CRYL1: variants seen among roughly 807,000 people sequenced by gnomAD.
CRYL1 encodes lambda-crystallin homolog.
Under a neutral mutation model 36.6 loss-of-function variants are expected in CRYL1, and 29 were observed. The ratio of observed to expected loss-of-function variants is 0.79; its 90% CI spans 0.59 to 1.08. CRYL1 has a LOEUF of 1.08. CRYL1 is among the 50% of genes least tolerant of loss of function. The probability of loss-of-function intolerance (pLI) is 0.00; values close to 1 mark genes in which losing one functional copy is unlikely to be tolerated. For synonymous variants in CRYL1, 152 were observed against 151.5 expected (o/e 1.00, Z -0.02); for missense variants, 411 against 407.9 (o/e 1.01, Z -0.06).
chr13:20,485,596 G>T (rs879363908), intron 3 of CRYL1, among the ~76,000 whole-genome samples: 1 of 152,100 alleles, frequency 6.6e-6, no homozygotes, highest in African/African-American at 2.4e-5. Context: ...TTGAGCCCAG[G>T]AGGTGGAGGT....
chr13:20,511,141 G>C (rs954832685), intron 2 of CRYL1, among the ~76,000 whole-genome samples: 15 of 152,152 alleles, frequency 9.9e-5, no homozygotes, highest in Non-Finnish European at 1.2e-4. Flanking sequence ...CTGGAGTACA[G>C]TGGTGCAATC....
intron 5 of CRYL1, among the ~76,000 whole-genome samples, chr13:20,422,360 C>CAAAAAAA (rs34813385): frequency 7.7e-6 from 1 of 129,898 alleles, no homozygotes. Context: ...ATTCCATTTC[C>CAAAAAAA]AAAAAAAAAA....
At chr13:20,497,901 T>C (rs961841384) in intron 2 of CRYL1, among the ~76,000 whole-genome samples, 9 of 151,384 alleles carry the variant, frequency 5.9e-5, no homozygotes, top group Non-Finnish European at 1.3e-4. Context: ...TATACTCATA[T>C]TGAATTTCCA....
intron 5 of CRYL1, among the ~76,000 whole-genome samples, chr13:20,420,695 T>A (rs1418205292): frequency 4.5e-5 from 4 of 89,056 alleles, no homozygotes; most frequent in Non-Finnish European, 9.7e-5. Context: ...TTCTTTAAAA[T>A]AGAGGTTGTG....
chr13:20,432,004 C>T, intron 5 of CRYL1, 98 bp downstream of exon 5: 1 of 1,593,354 alleles, frequency 6.3e-7, no homozygotes, highest in Non-Finnish European at 8.5e-7. Flanking sequence ...TTCCAGGCTG[C>T]CCAAGGAACA....
At position 20,525,629 on chromosome 13, in the gene CRYL1, G is replaced by C; in HGVS notation, c.41+125C>G. The C allele has an allele frequency of 5.1e-6, 4 of 786,106 alleles. No homozygotes were observed. The highest frequency in any genetic ancestry group is 6.9e-6 in the Non-Finnish European group (4 of 580,074). The allele number at this position is 786,106 out of a possible 1,614,324, so 48.7% of individuals were successfully genotyped here. On this transcript the variant is annotated intron_variant, in intron 1 of 7. Transcript: ENST00000298248. This position sits in a 1 kb window ranked among gnomAD's most constrained non-coding sequence, Gnocchi z 4.3. The stretch of plus-strand genomic sequence containing the variant: ...TAGGGGCCGCAGGGCGCAGGGCTTC[G>C]GAGGACCGGAGGCCGGGGCGGGGAC...
At chr13:20,452,460 C>T (rs2032591742) in intron 3 of CRYL1, among the ~76,000 whole-genome samples, 1 of 152,112 alleles carries the variant, frequency 6.6e-6, no homozygotes, top group Admixed American at 6.5e-5. Flanking sequence ...CATTACAATA[C>T]ACTAAACGGG....
intron 3 of CRYL1, among the ~76,000 whole-genome samples, chr13:20,441,366 G>A (rs753801130): frequency 3.9e-5 from 6 of 152,108 alleles, no homozygotes; most frequent in Non-Finnish European, 5.9e-5. Context: ...CTAAAGTTTG[G>A]GAACCACTAT....
At chr13:20,496,180 T>C (rs2033601972) in intron 2 of CRYL1, among the ~76,000 whole-genome samples, 1 of 152,152 alleles carries the variant, frequency 6.6e-6, no homozygotes, top group Non-Finnish European at 1.5e-5. Flanking sequence ...TGACTCCACC[T>C]ACAACAGGTA....
At chr13:20,426,281 T>TTA (rs1555226769) in intron 5 of CRYL1, among the ~76,000 whole-genome samples, 169 of 144,522 alleles carry the variant, frequency 1.2e-3, no homozygotes, top group African/African-American at 3.5e-3. Context: ...TATCTTTATT[T>TTA]AAAAAAAAAA....
chr13:20,419,544 A>G (rs1311906295), intron 5 of CRYL1, among the ~76,000 whole-genome samples: 1 of 151,862 alleles, frequency 6.6e-6, no homozygotes, highest in Non-Finnish European at 1.5e-5. Flanking sequence ...CACCCGCCTC[A>G]GCCTCCCAAA....
chr13:20,405,719 A>G (rs1215232701), intron 6 of CRYL1, among the ~76,000 whole-genome samples: 1 of 152,126 alleles, frequency 6.6e-6, no homozygotes, highest in Non-Finnish European at 1.5e-5. Flanking sequence ...TCAGATTCTA[A>G]GGAGAGGGCC....
At chr13:20,504,734 T>G (rs1023181129) in intron 2 of CRYL1, among the ~76,000 whole-genome samples, 5 of 152,206 alleles carry the variant, frequency 3.3e-5, no homozygotes, top group Non-Finnish European at 5.9e-5. Flanking sequence ...TATTATGAAA[T>G]GTAAACATGC....
intron 6 of CRYL1, chr13:20,406,163 G>A (rs1052098291): frequency 2.0e-5 from 3 of 152,164 alleles, no homozygotes; most frequent in Non-Finnish European, 2.9e-5. Context: ...CGAAGCTGCA[G>A]AACGTGCAGA....
chr13:20,507,754 T>C (rs1393245981), intron 2 of CRYL1, among the ~76,000 whole-genome samples: 3 of 151,426 alleles, frequency 2.0e-5, no homozygotes, highest in Non-Finnish European at 2.9e-5. Context: ...CCGTCTCTAC[T>C]AAAAATATAA....
intron 3 of CRYL1, among the ~76,000 whole-genome samples, chr13:20,474,244 G>T (rs2033119319): frequency 1.3e-5 from 2 of 152,132 alleles, no homozygotes; most frequent in Non-Finnish European, 2.9e-5. Context: ...CCATCATAGT[G>T]GCCTTTAAAG....
intron 2 of CRYL1, among the ~76,000 whole-genome samples, chr13:20,492,944 G>GA (rs2033538667): frequency 6.6e-6 from 1 of 152,136 alleles, no homozygotes; most frequent in South Asian, 2.1e-4. Context: ...AATTCTCAGA[G>GA]AAACTCTTCC....
intron 2 of CRYL1, among the ~76,000 whole-genome samples, chr13:20,504,902 C>T (rs957567474): frequency 2.4e-4 from 36 of 152,084 alleles, no homozygotes; most frequent in African/African-American, 6.0e-4. Flanking sequence ...AAATCAACTT[C>T]CCCCCGTTTA....
At chr13:20,475,005 G>A (rs1049783702) in intron 3 of CRYL1, among the ~76,000 whole-genome samples, 7 of 152,138 alleles carry the variant, frequency 4.6e-5, no homozygotes, top group Admixed American at 1.3e-4. Flanking sequence ...ATCTGGACCC[G>A]TGCGCAGCCT....
Sources: gnomAD v4.1 joint callset for allele counts (sites outside exome capture counted in the v4.1 genomes callset) on GRCh38, gnomAD v4.1.1 for gene constraint, Gnocchi (gnomAD v3.1) non-coding constraint, MANE v1.5 for transcripts, NCBI Gene and HGNC (gene_info 2026-07-23, HGNC 2026-07-21) for gene names.